The following CUBN variants were observed in gnomAD, a reference collection of about 807,000 sequenced individuals.
CUBN encodes cubilin.
In CUBN, 282 loss-of-function variants were observed where a neutral mutation model predicts 405.3. The observed-to-expected ratio is 0.70, with a 90% CI of 0.63 to 0.77. The LOEUF is 0.77. Ranked by LOEUF, CUBN falls within the 30% of genes least tolerant of loss-of-function variation. The pLI is 0.00. For synonymous variants in CUBN, 1,684 were observed against 1,617.0 expected (o/e 1.04, Z -0.99); for missense variants, 4,514 against 4,475.2 (o/e 1.01, Z -0.25).
intron 22 of CUBN, among the ~76,000 whole-genome samples, chr10:17,064,438 T>C (rs1206910916): frequency 1.3e-5 from 2 of 152,154 alleles, no homozygotes; most frequent in Non-Finnish European, 2.9e-5. Context: ...CCAGAGTGTG[T>C]CACAGGGTGC....
chr10:16,881,543 T>C (rs1178909012), intron 56 of CUBN, among the ~76,000 whole-genome samples: 1 of 152,218 alleles, frequency 6.6e-6, no homozygotes, highest in African/African-American at 2.4e-5. Flanking sequence ...TTTTTGTAGA[T>C]GGCAATAGAA....
At chr10:17,104,019 T>C (rs1836561213) in intron 12 of CUBN, among the ~76,000 whole-genome samples, 2 of 152,192 alleles carry the variant, frequency 1.3e-5, no homozygotes, top group Non-Finnish European at 2.9e-5. Context: ...CCAGTCTCTA[T>C]TTAACAGGCA....
At chr10:17,104,633 A>G (rs1048192509) in intron 11 of CUBN, 28 bp from the exon 12 acceptor site, 3 of 1,569,314 alleles carry the variant, frequency 1.9e-6, no homozygotes, top group African/African-American at 2.7e-5. Flanking sequence ...ACATAATACC[A>G]TAAAACAAAT....
chr10:17,106,317 A>G, intron 10 of CUBN, among the ~76,000 whole-genome samples: 2 of 150,382 alleles, frequency 1.3e-5, no homozygotes, highest in Non-Finnish European at 3.0e-5. Flanking sequence ...AATAATAATA[A>G]TACTAATAAA....
intron 27 of CUBN, among the ~76,000 whole-genome samples, chr10:17,031,267 T>C (rs1217489786): frequency 1.3e-5 from 2 of 152,224 alleles, no homozygotes; most frequent in Non-Finnish European, 2.9e-5. Flanking sequence ...AGGCTCTCTA[T>C]TTGTGAATTT....
At chr10:17,031,577 T>C (rs17431655) in intron 27 of CUBN, among the ~76,000 whole-genome samples, 5,847 of 152,274 alleles carry the variant, frequency 0.038, 217 homozygotes, top group South Asian at 0.21. Flanking sequence ...TTCTATCATA[T>C]GTCTGGGTGC....
intron 36 of CUBN, among the ~76,000 whole-genome samples, chr10:16,946,874 T>C (rs1331703694): frequency 6.6e-6 from 1 of 152,078 alleles, no homozygotes; most frequent in African/African-American, 2.4e-5. Flanking sequence ...GAATGCTTAA[T>C]TGAGATGGGA....
chr10:17,096,011 G>A (rs1408935337), intron 14 of CUBN, among the ~76,000 whole-genome samples: 1 of 152,072 alleles, frequency 6.6e-6, no homozygotes, highest in Non-Finnish European at 1.5e-5. Flanking sequence ...AGGGAGACAT[G>A]CTGAGTGAAA....
rs375283620 is a variant in CUBN, at chr10:16,908,207, G to A, written c.7534-528C>T. 8.5e-5 allele frequency among the ~76,000 whole-genome samples: 13 copies of A among 152,260 alleles called. 1 individual carries two copies. In the East Asian group the frequency reaches 2.1e-3, roughly 25 times the overall value. On this transcript the variant is annotated intron_variant, in intron 48 of 66. Coordinates refer to ENST00000377833, the MANE Select transcript of CUBN (RefSeq NM_001081.4). ...GTTGCCCAGGCTGGAGTGCAGCGGT[G>A]TGATCTTGGCTCACCGTATCCTTCA... is the stretch of plus-strand genomic sequence containing the variant.
At position 17,104,014 on chromosome 10, in the gene CUBN, C is replaced by A. The variant is rs527675687; in HGVS notation, c.1417+405G>T. On this transcript the variant is annotated intron_variant, in intron 12 of 66. Coordinates refer to ENST00000377833, the MANE Select transcript of CUBN (RefSeq NM_001081.4). ...AAGATCATTGAAAATTAATCCCAGTCTCTATTTAACAGGCAACGGGAAGCC... is the reference window on the plus strand; with the variant it reads ...AAGATCATTGAAAATTAATCCCAGTATCTATTTAACAGGCAACGGGAAGCC... Among the ~76,000 whole-genome samples the A allele has an allele frequency of 4.6e-5, 7 of 152,236 alleles. No individual in the cohort carries two copies. The South Asian group carries it at 1.5e-3, about 32-fold the overall frequency.
At chr10:16,973,643 G>A (rs1282005207) in intron 31 of CUBN, among the ~76,000 whole-genome samples, 1 of 152,098 alleles carries the variant, frequency 6.6e-6, no homozygotes, top group Non-Finnish European at 1.5e-5. Context: ...CCTCCTCCCA[G>A]CTTCCAACCT....
At chr10:17,064,406 A>C (rs1399082447) in intron 22 of CUBN, among the ~76,000 whole-genome samples, 1 of 152,198 alleles carries the variant, frequency 6.6e-6, no homozygotes, top group Non-Finnish European at 1.5e-5. Context: ...TTAAAAGATA[A>C]GCATCTGGGG....
In CUBN at chr10:16,830,481, T is replaced by A. The variant is rs184511168; in HGVS notation, c.10528+771A>T. ...ACTTAAATTTTCTTTAGTTGTTTGATAAACAGCCAGCCAAAAATGTGAGAA... is the reference window on the plus strand; with the variant it reads ...ACTTAAATTTTCTTTAGTTGTTTGAAAAACAGCCAGCCAAAAATGTGAGAA... On this transcript the variant is annotated intron_variant, in intron 65 of 66. Coordinates refer to ENST00000377833, the MANE Select transcript of CUBN (RefSeq NM_001081.4). Among the ~76,000 whole-genome samples, 336 of 152,260 alleles carry A rather than the reference T, an allele frequency of 2.2e-3. 1 individual carries two copies. The highest frequency in any genetic ancestry group is 7.9e-3 in the African/African-American group (329 of 41,550).
chr10:16,872,028 C>T (rs1332693492), intron 58 of CUBN, among the ~76,000 whole-genome samples: 3 of 152,072 alleles, frequency 2.0e-5, no homozygotes, highest in Non-Finnish European at 4.4e-5. Flanking sequence ...GATTCAAGAC[C>T]AGCCTGGCCA....
intron 9 of CUBN, 106 bp downstream of exon 9, chr10:17,110,813 G>A: frequency 1.3e-6 from 2 of 1,529,472 alleles, no homozygotes; most frequent in Admixed American, 1.7e-5. Context: ...ATGAGCAACT[G>A]CACTCAGCCA....
intron 7 of CUBN, 76 bp downstream of exon 7, chr10:17,115,395 T>A: frequency 6.3e-7 from 1 of 1,585,524 alleles, no homozygotes; most frequent in Non-Finnish European, 8.6e-7. Context: ...AGTGCTTGTA[T>A]GCAGTGGGCA....
chr10:16,829,132 T>A, intron 65 of CUBN, 92 bp from the exon 66 acceptor site: 1 of 893,830 alleles, frequency 1.1e-6, no homozygotes, highest in Middle Eastern at 3.1e-4. Context: ...TTTCTTAAGG[T>A]GCTGAGACTC....
At chr10:16,855,816 T>G (rs1839854272) in intron 59 of CUBN, among the ~76,000 whole-genome samples, 1 of 152,066 alleles carries the variant, frequency 6.6e-6, no homozygotes, top group Non-Finnish European at 1.5e-5. Context: ...CTGGCCAAAA[T>G]AATCAAATAT....
intron 5 of CUBN, 164 bp downstream of exon 5, chr10:17,123,424 C>T: frequency 2.9e-6 from 2 of 690,166 alleles, no homozygotes; most frequent in South Asian, 1.7e-5. Context: ...TACAATCATA[C>T]TCACCACTGT....
Sources: gnomAD v4.1 joint callset for allele counts (sites outside exome capture counted in the v4.1 genomes callset) on GRCh38, gnomAD v4.1.1 for gene constraint, MANE v1.5 for transcripts, NCBI Gene and HGNC (gene_info 2026-07-23, HGNC 2026-07-21) for gene names.